DNAJC1: variants seen among roughly 807,000 people sequenced by gnomAD.
DNAJC1 encodes the protein DnaJ heat shock protein family (Hsp40) member C1, also known as dnaJ homolog subfamily C member 1.
In DNAJC1, 58 loss-of-function variants were observed where a neutral mutation model predicts 76.6. The observed-to-expected ratio is 0.76, with a 90% CI of 0.61 to 0.94. The LOEUF (loss-of-function observed/expected upper bound fraction) is 0.94, where lower values mean the gene tolerates loss of function less well. Among genes scored for constraint, DNAJC1 ranks in the 40% least tolerant of loss-of-function variants. The pLI is 0.00. For synonymous variants in DNAJC1, 258 were observed against 267.9 expected (o/e 0.96, Z 0.36); for missense variants, 689 against 677.3 (o/e 1.02, Z -0.19).
rs1249818618 is a variant in DNAJC1 at position 21,759,221 on chromosome 10, T to C, written c.1545A>G (p.Gly515=). 7 of 1,614,182 alleles carry C rather than the reference T, an allele frequency of 4.3e-6. No homozygotes were observed. Among genetic ancestry groups the C allele is most frequent in the Non-Finnish European group, 5.9e-6 (7 of 1,180,026 alleles). ...CTATTTTGTCCCAGCGGTCAGAGGA[T>C]CCCCTTGGGTACTGCTGCAACGCCA... ...LELALQQYPR[G]SSDRWDKIAR... is the part of the protein sequence containing the mutation. Residue 515 remains glycine, a synonymous_variant, in exon 11 of 12, where the codon GGA becomes GGG. Transcript: ENST00000376980.
chr10:21,920,658 T>A (rs549140011), intron 4 of DNAJC1, 140 bp downstream of exon 4: 1 of 654,744 alleles, frequency 1.5e-6, no homozygotes, highest in Non-Finnish European at 2.2e-6. Flanking sequence ...CTTAGAAATA[T>A]GTCAAACATT....
intron 1 of DNAJC1, among the ~76,000 whole-genome samples, chr10:21,958,261 AT>A (rs2131815012): frequency 6.6e-6 from 1 of 152,268 alleles, no homozygotes; most frequent in African/African-American, 2.4e-5. Flanking sequence ...GTATTTATGT[AT>A]TTTTAACAGC....
chr10:21,927,841 T>C (rs1480760587), intron 3 of DNAJC1, among the ~76,000 whole-genome samples: 1 of 152,100 alleles, frequency 6.6e-6, no homozygotes, highest in Non-Finnish European at 1.5e-5. Context: ...TCACTGGCAT[T>C]ATAAACTACT....
At chr10:21,868,613 T>C (rs1311865356) in intron 8 of DNAJC1, among the ~76,000 whole-genome samples, 6 of 152,036 alleles carry the variant, frequency 3.9e-5, no homozygotes, top group Non-Finnish European at 7.3e-5. Flanking sequence ...CTCAAAATGA[T>C]ATTAGATCAT....
chr10:21,829,515 A>AT (rs1487698321), intron 8 of DNAJC1, among the ~76,000 whole-genome samples: 15 of 151,082 alleles, frequency 9.9e-5, no homozygotes, highest in South Asian at 6.3e-4. Context: ...TGCGCCCAGC[A>AT]ATTTTTTTGT....
chr10:21,803,891 A>C (rs1277614489), intron 9 of DNAJC1: 2 of 984,508 alleles, frequency 2.0e-6, no homozygotes, highest in Non-Finnish European at 2.4e-6. Context: ...AAAAAACAAA[A>C]AAAAAATCAC....
At chr10:21,898,569 CCAGA>C (rs1170659277) in intron 7 of DNAJC1, among the ~76,000 whole-genome samples, 3 of 127,280 alleles carry the variant, frequency 2.4e-5, no homozygotes, top group Non-Finnish European at 5.0e-5. Context: ...TTTTTTTTTT[CCAGA>C]CAGAGTCTTG....
intron 1 of DNAJC1, among the ~76,000 whole-genome samples, chr10:21,966,707 T>G (rs1027476574): frequency 5.5e-5 from 8 of 145,354 alleles, no homozygotes; most frequent in African/African-American, 2.0e-4. Context: ...TTTTTTGAGG[T>G]GGAGTTTTAC....
At chr10:21,980,162 C>A (rs1838131437) in intron 1 of DNAJC1, among the ~76,000 whole-genome samples, 1 of 152,038 alleles carries the variant, frequency 6.6e-6, no homozygotes. Flanking sequence ...TGAACAAAAA[C>A]AGGCACAAAA....
intron 5 of DNAJC1, 41 bp downstream of exon 5, chr10:21,919,791 A>G (rs772918576): frequency 1.6e-5 from 22 of 1,406,030 alleles, no homozygotes; most frequent in East Asian, 4.6e-5. Context: ...GATGTATTTT[A>G]AAACAGCTTC....
chr10:21,992,655 G>C (rs1040242025), intron 1 of DNAJC1, among the ~76,000 whole-genome samples: 2 of 152,148 alleles, frequency 1.3e-5, no homozygotes, highest in Non-Finnish European at 2.9e-5. Context: ...CTATTGCACA[G>C]TGCTGCTCTA....
intron 9 of DNAJC1, among the ~76,000 whole-genome samples, chr10:21,781,097 A>C (rs1157442941): frequency 1.3e-5 from 2 of 152,226 alleles, no homozygotes; most frequent in Non-Finnish European, 2.9e-5. Context: ...TCATAAAGCA[A>C]GTACTTAGAG....
intron 1 of DNAJC1, among the ~76,000 whole-genome samples, chr10:21,980,544 A>G (rs1426653965): frequency 6.6e-6 from 1 of 152,148 alleles, no homozygotes; most frequent in Non-Finnish European, 1.5e-5. Flanking sequence ...GAACTGTCCC[A>G]GAGTGGACAT....
intron 8 of DNAJC1, among the ~76,000 whole-genome samples, chr10:21,872,713 C>A (rs1836123783): frequency 6.6e-6 from 1 of 152,032 alleles, no homozygotes; most frequent in African/African-American, 2.4e-5. Flanking sequence ...ATGGAAGTGC[C>A]AGAAGGTGGT....
chr10:21,961,136 A>T (rs1837784027), intron 1 of DNAJC1, among the ~76,000 whole-genome samples: 1 of 152,230 alleles, frequency 6.6e-6, no homozygotes, highest in African/African-American at 2.4e-5. Flanking sequence ...GGGCTCCAAC[A>T]GTGCAACTGC....
At chr10:21,771,529 C>T (rs564129553) in intron 9 of DNAJC1, among the ~76,000 whole-genome samples, 54 of 152,024 alleles carry the variant, frequency 3.6e-4, no homozygotes, top group African/African-American at 1.2e-3. Flanking sequence ...GACGCAGTCT[C>T]GCTCTGTTGC....
At chr10:21,784,628 T>C (rs893588384) in intron 9 of DNAJC1, among the ~76,000 whole-genome samples, 3 of 152,158 alleles carry the variant, frequency 2.0e-5, no homozygotes, top group Non-Finnish European at 4.4e-5. Context: ...CTATTCACAA[T>C]AGTAAAGACT....
intron 10 of DNAJC1, 112 bp from the exon 11 acceptor site, chr10:21,759,730 A>G (rs944582787): frequency 1.1e-5 from 10 of 919,178 alleles, no homozygotes; most frequent in African/African-American, 6.7e-5. Context: ...TTTTGCATGC[A>G]TGGTTTAATT....
chr10:21,813,096 C>CACAT lies in DNAJC1; in HGVS notation c.979-6998_979-6997insATGT, dbSNP rs1554887835. On this transcript the variant is annotated intron_variant, in intron 8 of 11. Coordinates refer to ENST00000376980, the MANE Select transcript of DNAJC1 (RefSeq NM_022365.4). ...ATATATATACATATATACACACACA[C>CACAT]ATATATATATATATATATATACAGC... 6.4e-3 allele frequency among the ~76,000 whole-genome samples: 752 copies of CACAT among 117,290 alleles called. 14 individuals are homozygous for CACAT. Among genetic ancestry groups the CACAT allele is most frequent in the East Asian group, 0.019 (75 of 4,004 alleles). The allele number at this position is 117,290 out of a possible 152,430, so 76.9% of individuals were successfully genotyped here.
Sources: gnomAD v4.1 joint callset for allele counts (sites outside exome capture counted in the v4.1 genomes callset) on GRCh38, gnomAD v4.1.1 for gene constraint, MANE v1.5 for transcripts, NCBI Gene and HGNC (gene_info 2026-07-23, HGNC 2026-07-21) for gene names.